Variants in ATRX observed in about 807,000 individuals in gnomAD.
ATRX encodes ATRX chromatin remodeler.
Under a neutral mutation model 172.6 loss-of-function variants are expected in ATRX, and 12 were observed. The observed-to-expected ratio is 0.07, with a 90% CI of 0.04 to 0.11. ATRX has a LOEUF of 0.11. Among genes scored for constraint, ATRX ranks in the 10% least tolerant of loss-of-function variants. The probability of loss-of-function intolerance (pLI) is 1.00; values close to 1 mark genes in which losing one functional copy is unlikely to be tolerated. For synonymous variants in ATRX, 674 were observed against 594.7 expected (o/e 1.13, Z -1.94); for missense variants, 1,368 against 1,767.4 (o/e 0.77, Z 4.05).
At chrX:77,726,612 T>TA (rs781841738) in intron 1 of ATRX, among the ~76,000 whole-genome samples, 4 of 111,041 alleles carry the variant, frequency 3.6e-5, no homozygotes, top group Non-Finnish European at 7.6e-5. Context: ...CCCTAGAACT[T>TA]AAAGTGTAAT....
At chrX:77,660,364 G>A (rs1476086040) in intron 12 of ATRX, among the ~76,000 whole-genome samples, 1 of 110,390 alleles carries the variant, frequency 9.1e-6, no homozygotes, top group African/African-American at 3.3e-5. Flanking sequence ...AGGAGATCGA[G>A]ACCATCCTGG....
chrX:77,696,738 GT>G (rs782443370), intron 4 of ATRX, 34 bp from the exon 5 acceptor site: 2 of 1,167,755 alleles, frequency 1.7e-6, no homozygotes, highest in African/African-American at 3.5e-5. Flanking sequence ...AATTATGAAT[GT>G]TTCTGACAAC....
intron 19 of ATRX, among the ~76,000 whole-genome samples, chrX:77,630,637 A>G (rs2068065748): frequency 8.9e-6 from 1 of 112,358 alleles, no homozygotes; most frequent in African/African-American, 3.2e-5. Flanking sequence ...TTCAATGAAG[A>G]AAGAATAGTC....
chrX:77,603,605 G>C (rs1602754706), intron 22 of ATRX, among the ~76,000 whole-genome samples: 1 of 108,215 alleles, frequency 9.2e-6, no homozygotes, highest in Non-Finnish European at 1.9e-5. Flanking sequence ...TGAACTCCTG[G>C]CCTCAAGTGA....
At chrX:77,758,745 G>A (rs782130414) in intron 1 of ATRX, among the ~76,000 whole-genome samples, 4 of 107,992 alleles carry the variant, frequency 3.7e-5, no homozygotes, top group South Asian at 7.8e-4. Context: ...GTGACAGAGC[G>A]AGATTCCATC....
At chrX:77,707,149 G>T (rs1342293013) in intron 2 of ATRX, among the ~76,000 whole-genome samples, 2 of 112,029 alleles carry the variant, frequency 1.8e-5, no homozygotes, top group African/African-American at 6.5e-5. Flanking sequence ...CGTATATGAA[G>T]TTCCTAGAGT....
intron 27 of ATRX, among the ~76,000 whole-genome samples, chrX:77,578,522 C>A (rs2065710069): frequency 8.9e-6 from 1 of 112,238 alleles, no homozygotes; most frequent in Admixed American, 9.4e-5. Flanking sequence ...CCATTCCAGG[C>A]CCTAGCTCCC....
chrX:77,548,814 T>G (rs781982266), intron 30 of ATRX, among the ~76,000 whole-genome samples: 51 of 112,012 alleles, frequency 4.6e-4, no homozygotes, highest in Non-Finnish European at 8.1e-4. Context: ...AATACAGGAC[T>G]AAAGAAAGGG....
chrX:77,683,004 T>G lies in ATRX; in HGVS notation c.2252A>C (p.Asp751Ala). The change falls in exon 9 of 35, where the codon GAT (aspartate) becomes GCT (alanine). Residue 751 changes from aspartate to alanine, a missense_variant. Around this residue, in one of 17 missense-constraint regions of ATRX, gnomAD observed 843 missense variants for 643.1 expected, o/e 1.31. Coordinates refer to ENST00000373344, the MANE Select transcript of ATRX (RefSeq NM_000489.6). The part of the protein sequence containing the change: ...VSRMSHSSSS[D>A]TDINEIHTNH... Reference sequence around the variant, plus strand: ...TGTATGAATTTCATTAATATCAGTATCTGAAGAAGAACTGTGACTCATCCT... The same window carrying G: ...TGTATGAATTTCATTAATATCAGTAGCTGAAGAAGAACTGTGACTCATCCT... 1 of 1,210,996 alleles carries G rather than the reference T, an allele frequency of 8.3e-7. No individual in the cohort carries two copies. Among genetic ancestry groups the G allele is most frequent in the Non-Finnish European group, 1.1e-6 (1 of 894,990 alleles).
intron 1 of ATRX, among the ~76,000 whole-genome samples, chrX:77,755,873 T>C (rs2075472580): frequency 8.9e-6 from 1 of 112,158 alleles, no homozygotes; most frequent in Admixed American, 9.4e-5. Context: ...GCTAGGAGAA[T>C]CCTCCTTGTC....
At chrX:77,642,795 C>T (rs2068720215) in intron 15 of ATRX, among the ~76,000 whole-genome samples, 1 of 111,492 alleles carries the variant, frequency 9.0e-6, no homozygotes, top group Admixed American at 9.5e-5. Flanking sequence ...AGCTCTGGAA[C>T]ACAGTCAAAG....
At chrX:77,632,973 AT>A (rs2148334124) in intron 19 of ATRX, among the ~76,000 whole-genome samples, 1 of 111,877 alleles carries the variant, frequency 8.9e-6, no homozygotes, top group South Asian at 3.7e-4. Flanking sequence ...TTTACAAGGT[AT>A]CCCCTAAAAC....
At chrX:77,747,310 G>C (rs1013024435) in intron 1 of ATRX, among the ~76,000 whole-genome samples, 3 of 110,418 alleles carry the variant, frequency 2.7e-5, no homozygotes, top group Admixed American at 9.7e-5. Flanking sequence ...GATCACCTAA[G>C]GTCAGGAGAT....
At position 77,682,067 on chromosome X, in the gene ATRX, A is replaced by G. The variant is rs2148579803; in HGVS notation, c.3189T>C (p.Tyr1063=). The part of the protein sequence containing the change: ...TSKKKDELSD[Y]AEKSTGKGDS... ...CTCCTTTCCCTGTTGACTTCTCAGCATAATCAGATAATTCATCCTTCTTTT... is the reference window on the plus strand; with the variant it reads ...CTCCTTTCCCTGTTGACTTCTCAGCGTAATCAGATAATTCATCCTTCTTTT... The change falls in exon 9 of 35, where the codon TAT becomes TAC. Residue 1063 remains tyrosine, a synonymous_variant. Coordinates refer to ENST00000373344, the MANE Select transcript of ATRX (RefSeq NM_000489.6). 8.3e-7 allele frequency: 1 copy of G among 1,210,240 alleles called. No homozygotes were observed. The highest frequency in any genetic ancestry group is 1.1e-6 in the Non-Finnish European group (1 of 894,458).
Position 77,591,856 on chromosome X carries a change from C to T in ATRX, c.6110+1840G>A, listed in dbSNP as rs782249986. 2.7e-5 allele frequency among the ~76,000 whole-genome samples: 3 copies of T among 111,939 alleles called. No homozygotes were observed. The South Asian group carries it at 1.1e-3, about 42-fold the overall frequency. On this transcript the variant is annotated intron_variant, in intron 26 of 34. Coordinates refer to ENST00000373344, the MANE Select transcript of ATRX (RefSeq NM_000489.6). ...TAATTATTAAATTGGAATTAATCTG[C>T]AATCTGGGTTACTATACTGGAAAGA...
At chrX:77,718,740 A>C (rs985602496) in intron 1 of ATRX, among the ~76,000 whole-genome samples, 6 of 110,470 alleles carry the variant, frequency 5.4e-5, no homozygotes, top group African/African-American at 2.0e-4. Flanking sequence ...AAGGAGTTAA[A>C]ACTTTAAATA....
At chrX:77,636,776 GAAGA>G (rs782308415) in intron 15 of ATRX, among the ~76,000 whole-genome samples, 15 of 102,119 alleles carry the variant, frequency 1.5e-4, no homozygotes, top group Non-Finnish European at 2.8e-4. Context: ...AAAAAAAAAA[GAAGA>G]AAGAAGGAAG....
At chrX:77,621,793 AAAT>A (rs1386144494) in intron 19 of ATRX, among the ~76,000 whole-genome samples, 5 of 111,852 alleles carry the variant, frequency 4.5e-5, no homozygotes, top group Admixed American at 1.9e-4. Context: ...ATGACAGATC[AAAT>A]AATAACAACT....
At chrX:77,756,670 T>TG (rs2075510566) in intron 1 of ATRX, among the ~76,000 whole-genome samples, 1 of 110,791 alleles carries the variant, frequency 9.0e-6, no homozygotes, top group Non-Finnish European at 1.9e-5. Context: ...CTGCACCCAC[T>TG]GCCTAACCAG....
Sources: gnomAD v4.1 joint callset for allele counts (sites outside exome capture counted in the v4.1 genomes callset) on GRCh38, gnomAD v4.1.1 for gene constraint, gnomAD v4.1.1 regional missense constraint, MANE v1.5 for transcripts, NCBI Gene and HGNC (gene_info 2026-07-23, HGNC 2026-07-21) for gene names.